Variants in MDM4 observed in about 807,000 individuals in gnomAD.
MDM4 encodes the protein MDM4 regulator of p53.
In MDM4, 2 loss-of-function variants were observed where a neutral mutation model predicts 60.2. That is an observed-to-expected ratio of 0.03 (90% CI 0.01 to 0.10). MDM4 has a LOEUF of 0.10. Ranked by LOEUF, MDM4 falls within the 10% of genes least tolerant of loss-of-function variation. MDM4 has a pLI of 1.00. For missense variants in MDM4, 447 were observed against 577.5 expected (o/e 0.77, Z 2.32); for synonymous variants, 202 against 198.1 (o/e 1.02, Z -0.17).
intron 1 of MDM4, among the ~76,000 whole-genome samples, chr1:204,519,600 T>C (rs956918674): frequency 1.3e-5 from 2 of 152,024 alleles, no homozygotes; most frequent in African/African-American, 2.4e-5. Context: ...TCCCAGCACT[T>C]TGGGAGGCTG....
chr1:204,537,293 G>A (rs1182485736), intron 5 of MDM4, 137 bp from the exon 6 acceptor site: 8 of 601,738 alleles, frequency 1.3e-5, no homozygotes, highest in African/African-American at 1.1e-4. Flanking sequence ...GCAAATGAGA[G>A]CTTTGTCCAG....
intron 1 of MDM4, among the ~76,000 whole-genome samples, chr1:204,521,435 T>C (rs1193232869): frequency 6.6e-6 from 1 of 152,052 alleles, no homozygotes; most frequent in East Asian, 1.9e-4. Context: ...TCGAGACCGT[T>C]GAGTAAGTGC....
In MDM4 at chr1:204,557,703, A is replaced by G. The variant is rs1663623575; in HGVS notation, c.*8021A>G. On this transcript the variant is annotated 3_prime_UTR_variant, in exon 11 of 11. Transcript: ENST00000367182. Reference sequence around the variant, plus strand: ...AGGCGTGAGCAACTGCTCCTGGCCCAAAACATCTCTTTCTACATACACTTG... The same window carrying G: ...AGGCGTGAGCAACTGCTCCTGGCCCGAAACATCTCTTTCTACATACACTTG... 5.5e-6 allele frequency: 1 copy of G among 181,490 alleles called. No individual in the cohort carries two copies. Among genetic ancestry groups the G allele is most frequent in the South Asian group, 2.0e-4 (1 of 5,084 alleles). The allele number at this position is 181,490 out of a possible 1,614,324, so 11.2% of individuals were successfully genotyped here. A position where few individuals can be genotyped will look rare whatever the true frequency, so the allele number is the denominator to read the frequency against.
chr1:204,547,148 C>T (rs531408187), intron 10 of MDM4, among the ~76,000 whole-genome samples: 1 of 152,234 alleles, frequency 6.6e-6, no homozygotes, highest in South Asian at 2.1e-4. Context: ...TCAAATCTCT[C>T]TGGAGACACA....
In MDM4 at chr1:204,544,570, T is replaced by C; in HGVS notation, c.708T>C (p.Asp236=). ...CTGCCATTGTTTCAGATACTACAGATGACTTGTGGTTTTTGAATGAGTCAG... is the reference window on the plus strand; with the variant it reads ...CTGCCATTGTTTCAGATACTACAGACGACTTGTGGTTTTTGAATGAGTCAG... ...VGTAIVSDTT[D]DLWFLNESVS... is the part of the protein sequence containing the mutation. Residue 236 remains aspartate, a synonymous_variant, in exon 9 of 11, where the codon GAT becomes GAC. Coordinates refer to ENST00000367182, the MANE Select transcript of MDM4 (RefSeq NM_002393.5). 2.5e-6 allele frequency: 4 copies of C among 1,613,458 alleles called. No homozygotes were observed. Among genetic ancestry groups the C allele is most frequent in the Non-Finnish European group, 3.4e-6 (4 of 1,179,584 alleles).
intron 5 of MDM4, among the ~76,000 whole-genome samples, chr1:204,534,326 G>C (rs188028797): frequency 6.6e-6 from 1 of 152,284 alleles, no homozygotes; most frequent in Non-Finnish European, 1.5e-5. Context: ...CTAAAGGTTT[G>C]AGATACATGG....
intron 1 of MDM4, among the ~76,000 whole-genome samples, chr1:204,517,135 C>T (rs1221800363): frequency 7.3e-5 from 11 of 151,528 alleles, no homozygotes; most frequent in Admixed American, 4.6e-4. Context: ...CCTAGCTACT[C>T]GGGAGGCTGA....
chr1:204,533,636 G>A (rs911547411), intron 5 of MDM4, among the ~76,000 whole-genome samples: 15 of 152,202 alleles, frequency 9.9e-5, no homozygotes, highest in African/African-American at 2.9e-4. Flanking sequence ...GGGATTATGC[G>A]TGTGAACCAC....
At chr1:204,523,281 A>G (rs1487669689) in intron 1 of MDM4, among the ~76,000 whole-genome samples, 1 of 147,654 alleles carries the variant, frequency 6.8e-6, no homozygotes, top group Non-Finnish European at 1.5e-5. Context: ...CATCCTGGCT[A>G]ACATGGTGAA....
At position 204,556,636 on chromosome 1, in the gene MDM4, C is replaced by G. The variant is rs1225759062; in HGVS notation, c.*6954C>G. On this transcript the variant is annotated 3_prime_UTR_variant, in exon 11 of 11. Transcript: ENST00000367182. ...GCTTGAGCCTGGGAGGTGGAGGTTG[C>G]AGTGAGCTGAGATGGCACCACTGCA... is the stretch of plus-strand genomic sequence containing the variant. 2 of 204,190 alleles carry G rather than the reference C, an allele frequency of 9.8e-6. No individual in the cohort carries two copies. The highest frequency in any genetic ancestry group is 2.0e-5 in the Non-Finnish European group (2 of 99,776). The allele number at this position is 204,190 out of a possible 1,614,324, so 12.6% of individuals were successfully genotyped here. A position where few individuals can be genotyped will look rare whatever the true frequency, so the allele number is the denominator to read the frequency against.
In MDM4 at chr1:204,546,787, G is replaced by A. The variant is rs1264316352; in HGVS notation, c.823-10G>A. On this transcript the variant is annotated splice_polypyrimidine_tract_variant and intron_variant, in intron 9 of 10. Coordinates refer to ENST00000367182, the MANE Select transcript of MDM4 (RefSeq NM_002393.5). ...TAAACATTACTAATGAGATGTTTTT[G>A]CCTTCACAGGTGATTGAAGTGGGAA... The A allele has an allele frequency of 6.3e-7, 1 of 1,591,606 alleles. No homozygotes were observed. The highest frequency in any genetic ancestry group is 1.1e-5 in the South Asian group (1 of 89,446).
chr1:204,528,502 C>T (rs769015277), intron 3 of MDM4, among the ~76,000 whole-genome samples: 2 of 152,216 alleles, frequency 1.3e-5, no homozygotes, highest in African/African-American at 2.4e-5. Context: ...CCACTGGCAT[C>T]AGGGTGGAGC....
In MDM4 at chr1:204,532,741, T is replaced by G. The variant is rs1428572969; in HGVS notation, c.343+495T>G. ...TAATCTATAAAACTTAACTTTCCTT[T>G]TGTTTTCATGTCATTTACGTGTTGA... On this transcript the variant is annotated intron_variant, in intron 5 of 10. Transcript: ENST00000367182. 1.9e-6 allele frequency: 3 copies of G among 1,606,410 alleles called. No individual in the cohort carries two copies. In the East Asian group the frequency reaches 6.7e-5, roughly 36 times the overall value.
intron 5 of MDM4, among the ~76,000 whole-genome samples, chr1:204,535,414 C>A (rs2102379201): frequency 6.6e-6 from 1 of 152,202 alleles, no homozygotes. Context: ...GCCTTGGCCT[C>A]CTAAAGTACT....
chr1:204,532,386 C>T, intron 5 of MDM4, 140 bp downstream of exon 5: 1 of 635,090 alleles, frequency 1.6e-6, no homozygotes, highest in Non-Finnish European at 2.8e-6. Flanking sequence ...ACCTGTCACA[C>T]AGAATGTTAT....
At chr1:204,541,379 A>G (rs951507098) in intron 7 of MDM4, among the ~76,000 whole-genome samples, 6 of 152,146 alleles carry the variant, frequency 3.9e-5, no homozygotes, top group Non-Finnish European at 7.3e-5. Flanking sequence ...AGATGGAAGG[A>G]TCACTTGAGC....
chr1:204,553,562 C>T lies in MDM4; in HGVS notation c.*3880C>T, dbSNP rs564179868. 3.1e-5 allele frequency: 7 copies of T among 227,898 alleles called. No individual in the cohort carries two copies. Among genetic ancestry groups the T allele is most frequent in the African/African-American group, 1.3e-4 (6 of 45,172 alleles). The allele number at this position is 227,898 out of a possible 1,614,324, so 14.1% of individuals were successfully genotyped here. ...TCATTGGAGCTTGTTTCTGCTGCAA[C>T]GTGCTGTAGACTATGAATAATGAAA... On this transcript the variant is annotated 3_prime_UTR_variant, in exon 11 of 11. Transcript: ENST00000367182.
At chr1:204,529,038 TG>T in intron 3 of MDM4, 2 of 1,501,662 alleles carry the variant, frequency 1.3e-6, no homozygotes, top group Non-Finnish European at 9.2e-7. Context: ...CTGGGTGAAC[TG>T]GGGGCTCAGG....
chr1:204,529,873 A>G (rs542330214), intron 3 of MDM4, among the ~76,000 whole-genome samples: 1 of 152,172 alleles, frequency 6.6e-6, no homozygotes, highest in South Asian at 2.1e-4. Context: ...GAATTTCCTG[A>G]TTTTTATTAT....
Sources: allele counts gnomAD v4.1 joint callset (sites outside exome capture counted in the v4.1 genomes callset), GRCh38; gene constraint gnomAD v4.1.1; transcripts MANE v1.5; gene names NCBI Gene and HGNC (gene_info 2026-07-23, HGNC 2026-07-21).